The following DOCK1 variants were observed in gnomAD, a reference collection of about 807,000 sequenced individuals.
The protein encoded by DOCK1 is dedicator of cytokinesis protein 1.
In DOCK1, 138 loss-of-function variants were observed where a neutral mutation model predicts 262.7. The observed-to-expected ratio is 0.53, with a 90% CI of 0.46 to 0.61. The LOEUF (loss-of-function observed/expected upper bound fraction) is 0.61. Among genes scored for constraint, DOCK1 ranks in the 20% least tolerant of loss-of-function variants. DOCK1 has a pLI of 0.00. For synonymous variants in DOCK1, 866 were observed against 867.4 expected (o/e 1.00, Z 0.03); for missense variants, 1,908 against 2,370.7 (o/e 0.80, Z 4.05).
intron 1 of DOCK1, among the ~76,000 whole-genome samples, chr10:126,935,512 C>T (rs2034504834): frequency 6.6e-6 from 1 of 152,206 alleles, no homozygotes; most frequent in Non-Finnish European, 1.5e-5. Flanking sequence ...CTGGGACGTC[C>T]AGCCAGGCTG....
rs11817379 is a variant in DOCK1, at chr10:126,917,602, C to G, written c.46+12039C>G. On this transcript the variant is annotated intron_variant, in intron 1 of 51. Transcript: ENST00000623213. ...GGGTCTGTGGCTGATCCGAGTCAGG[C>G]CCTGGGCACTGCTGGCCTCATCACA... Among the ~76,000 whole-genome samples the G allele has an allele frequency of 7.1e-3, 1,079 of 152,284 alleles. 16 individuals are homozygous for G. Among genetic ancestry groups the G allele is most frequent in the African/African-American group, 0.025 (1,020 of 41,560 alleles).
In DOCK1 at chr10:127,175,368, C is replaced by G; in HGVS notation, c.2847+47604C>G. On this transcript the variant is annotated intron_variant, in intron 27 of 51. Coordinates refer to ENST00000623213, the MANE Select transcript of DOCK1 (RefSeq NM_001290223.2). This position sits in a 1 kb window ranked among gnomAD's most constrained non-coding sequence, Gnocchi z 6.3. ...AGGCACGATTCGTTGGCATTCTTCACCTGCAGCAACCGCTGTGGGACTAGG... is the reference window on the plus strand; with the variant it reads ...AGGCACGATTCGTTGGCATTCTTCAGCTGCAGCAACCGCTGTGGGACTAGG... 6.2e-7 allele frequency: 1 copy of G among 1,614,070 alleles called. No homozygotes were observed. The highest frequency in any genetic ancestry group is 8.5e-7 in the Non-Finnish European group (1 of 1,180,042).
At chr10:127,053,504 A>G (rs1210141038) in intron 22 of DOCK1, among the ~76,000 whole-genome samples, 1 of 152,188 alleles carries the variant, frequency 6.6e-6, no homozygotes, top group East Asian at 1.9e-4. Flanking sequence ...GAGGAAGGAT[A>G]CTCAGGTGCT....
At chr10:127,144,166 C>T (rs1392397538) in intron 27 of DOCK1, among the ~76,000 whole-genome samples, 1 of 152,174 alleles carries the variant, frequency 6.6e-6, no homozygotes, top group Non-Finnish European at 1.5e-5. Flanking sequence ...TCTCTGTATT[C>T]TCTCCCTCTC....
chr10:126,954,842 G>A (rs910418880), intron 1 of DOCK1, among the ~76,000 whole-genome samples: 2 of 152,050 alleles, frequency 1.3e-5, no homozygotes, highest in African/African-American at 4.8e-5. Flanking sequence ...TAGACATTTG[G>A]GTTGCTTCTG....
chr10:127,014,281 AG>A, intron 12 of DOCK1, among the ~76,000 whole-genome samples: 1 of 152,366 alleles, frequency 6.6e-6, no homozygotes, highest in Non-Finnish European at 1.5e-5. Context: ...TGTTTGAGAT[AG>A]AATGTATGCT....
rs751096233 is a variant in DOCK1, at chr10:127,384,833, G to A, written c.3851G>A (p.Gly1284Glu). 3 of 1,609,118 alleles carry A rather than the reference G, an allele frequency of 1.9e-6. No individual in the cohort carries two copies. Among genetic ancestry groups the A allele is most frequent in the Non-Finnish European group, 2.5e-6 (3 of 1,178,572 alleles). Reference sequence around the variant, plus strand: ...GTGGCCCACCTCACCCAGCGGGACGGGTACCAGGCCACCACGCAGGGACAG... The same window carrying A: ...GTGGCCCACCTCACCCAGCGGGACGAGTACCAGGCCACCACGCAGGGACAG... The part of the protein sequence containing the change: ...VCVAHLTQRD[G>E]YQATTQGQLK... The change falls in exon 38 of 52, where the codon GGG (glycine) becomes GAG (glutamate). Residue 1284 changes from glycine to glutamate, a missense_variant. By Grantham distance (98) the Gly-to-Glu change is moderately conservative. Coordinates refer to ENST00000623213, the MANE Select transcript of DOCK1 (RefSeq NM_001290223.2).
intron 23 of DOCK1, among the ~76,000 whole-genome samples, chr10:127,065,164 A>G (rs1591868074): frequency 6.6e-6 from 1 of 152,114 alleles, no homozygotes; most frequent in South Asian, 2.1e-4. Context: ...ACCTGCCACC[A>G]TGCCCGGCTA....
intron 48 of DOCK1, among the ~76,000 whole-genome samples, chr10:127,436,348 C>G (rs2069682500): frequency 6.6e-6 from 1 of 152,044 alleles, no homozygotes; most frequent in African/African-American, 2.4e-5. Context: ...AAAACCCCAT[C>G]TCTACAAAAA....
chr10:127,395,864 G>A (rs576566198), intron 38 of DOCK1, among the ~76,000 whole-genome samples: 4 of 152,360 alleles, frequency 2.6e-5, no homozygotes, highest in African/African-American at 9.6e-5. Context: ...CACTGGCCTA[G>A]AAGCCAAGAG....
chr10:126,994,832 C>G (rs561213037), intron 6 of DOCK1, among the ~76,000 whole-genome samples: 1 of 152,168 alleles, frequency 6.6e-6, no homozygotes, highest in Non-Finnish European at 1.5e-5. Context: ...TGAGCTGTTG[C>G]GTACACCTCC....
chr10:127,353,547 C>G (rs994363649), intron 31 of DOCK1, among the ~76,000 whole-genome samples: 2 of 152,218 alleles, frequency 1.3e-5, no homozygotes, highest in Admixed American at 6.5e-5. Context: ...CTGAGATGCC[C>G]CCTCCTTAAC....
At chr10:127,410,783 A>T in intron 42 of DOCK1, 57 bp from the exon 43 acceptor site, 3 of 1,549,858 alleles carry the variant, frequency 1.9e-6, no homozygotes, top group Non-Finnish European at 2.6e-6. Flanking sequence ...CCGTGTCCAA[A>T]AGCAAATTGG....
chr10:126,946,311 C>T lies in DOCK1; in HGVS notation c.47-24391C>T, dbSNP rs1479456350. Among the ~76,000 whole-genome samples, 4 of 152,186 alleles carry T rather than the reference C, an allele frequency of 2.6e-5. No homozygotes were observed. In the East Asian group the frequency reaches 5.8e-4, roughly 22 times the overall value. On this transcript the variant is annotated intron_variant, in intron 1 of 51. Coordinates refer to ENST00000623213, the MANE Select transcript of DOCK1 (RefSeq NM_001290223.2). ...CCTGTATTCCTAGCACTTTGGGAGGCCGAGGTGGGTGGATCACTTGAGGTC... is the reference window on the plus strand; with the variant it reads ...CCTGTATTCCTAGCACTTTGGGAGGTCGAGGTGGGTGGATCACTTGAGGTC...
At chr10:127,310,277 C>G (rs2062019459) in intron 29 of DOCK1, among the ~76,000 whole-genome samples, 1 of 150,630 alleles carries the variant, frequency 6.6e-6, no homozygotes, top group Non-Finnish European at 1.5e-5. Context: ...CCCCTTACCC[C>G]CACCCCTACA....
intron 23 of DOCK1, among the ~76,000 whole-genome samples, chr10:127,067,655 T>C (rs559208389): frequency 1.3e-5 from 2 of 152,092 alleles, no homozygotes; most frequent in African/African-American, 2.4e-5. Context: ...TCTAGACTAA[T>C]GTATTTCAGT....
At chr10:127,036,693 G>T (rs1019505440) in intron 18 of DOCK1, among the ~76,000 whole-genome samples, 5 of 151,958 alleles carry the variant, frequency 3.3e-5, no homozygotes, top group Non-Finnish European at 5.9e-5. Flanking sequence ...AATATCTTGG[G>T]CCAGGCATGG....
intron 23 of DOCK1, among the ~76,000 whole-genome samples, chr10:127,076,312 T>C (rs112330095): frequency 1.1e-3 from 166 of 152,250 alleles, no homozygotes; most frequent in Non-Finnish European, 1.5e-3. Flanking sequence ...CCATCCTGGC[T>C]AACACGGTGA....
chr10:127,044,674 TA>T (rs1401798202), intron 21 of DOCK1, among the ~76,000 whole-genome samples: 1 of 152,116 alleles, frequency 6.6e-6, no homozygotes, highest in African/African-American at 2.4e-5. Flanking sequence ...CTTCTCAGAT[TA>T]GGCTCCGTGC....
Sources: allele counts gnomAD v4.1 joint callset (sites outside exome capture counted in the v4.1 genomes callset), GRCh38; gene constraint gnomAD v4.1.1; non-coding constraint Gnocchi (gnomAD v3.1); transcripts MANE v1.5; gene names NCBI Gene and HGNC (gene_info 2026-07-23, HGNC 2026-07-21).